NEXMIF: variants seen among roughly 807,000 people sequenced by gnomAD.
NEXMIF encodes neurite extension and migration factor, also known as XLMR protein related to neurite extension.
A neutral mutation model predicts 62.1 loss-of-function variants in NEXMIF; 8 were observed. The observed-to-expected ratio is 0.13, with a 90% confidence interval of 0.08 to 0.23. The LOEUF (loss-of-function observed/expected upper bound fraction) is 0.23. NEXMIF is among the 10% of genes least tolerant of loss of function. The pLI, the probability that NEXMIF is intolerant of heterozygous loss-of-function variation, is 1.00. For missense variants in NEXMIF, 976 were observed against 1,113.3 expected (o/e 0.88, Z 1.75); for synonymous variants, 404 against 416.6 (o/e 0.97, Z 0.37).
intron 1 of NEXMIF, among the ~76,000 whole-genome samples, chrX:74,779,729 G>A (rs149034295): frequency 0.022 from 2,456 of 111,668 alleles, 66 homozygotes; most frequent in African/African-American, 0.077. Flanking sequence ...GACACCTGAT[G>A]CTATTTTGTC....
chrX:74,901,530 C>T (rs1003004491), intron 1 of NEXMIF, among the ~76,000 whole-genome samples: 10 of 112,270 alleles, frequency 8.9e-5, no homozygotes, highest in African/African-American at 2.9e-4. Flanking sequence ...TTCCATTATA[C>T]ATCTTTCAGT....
At chrX:74,813,112 G>T (rs2080365560) in intron 1 of NEXMIF, among the ~76,000 whole-genome samples, 1 of 111,825 alleles carries the variant, frequency 8.9e-6, no homozygotes, top group African/African-American at 3.3e-5. Context: ...AGAGAGGTGA[G>T]AAAACACTTG....
chrX:74,882,417 C>T (rs1055456908), intron 1 of NEXMIF, among the ~76,000 whole-genome samples: 20 of 112,116 alleles, frequency 1.8e-4, no homozygotes, highest in African/African-American at 4.2e-4. Flanking sequence ...GGGTGACAGA[C>T]GGCACCTGGA....
At chrX:74,790,516 G>T (rs1302209306) in intron 1 of NEXMIF, among the ~76,000 whole-genome samples, 1 of 111,089 alleles carries the variant, frequency 9.0e-6, no homozygotes, top group African/African-American at 3.2e-5. Context: ...TGTGAAGAAA[G>T]TCATTGGTAG....
At chrX:74,751,623 C>CCCTT (rs781068385) in intron 1 of NEXMIF, among the ~76,000 whole-genome samples, 9,718 of 87,239 alleles carry the variant, frequency 0.11, 737 homozygotes, top group African/African-American at 0.18. Context: ...TACCATCACG[C>CCCTT]CCTTCCTTCC....
chrX:74,768,115 C>T (rs2080200040), intron 1 of NEXMIF, among the ~76,000 whole-genome samples: 1 of 111,191 alleles, frequency 9.0e-6, no homozygotes, highest in South Asian at 3.9e-4. Flanking sequence ...GACTGCAGGC[C>T]CTGGTGGAGT....
Position 74,741,505 on chromosome X carries a change from C to T in NEXMIF, c.3052G>A (p.Gly1018Ser), listed in dbSNP as rs2147439751. Residue 1018 changes from glycine to serine, a missense_variant, in exon 3 of 4, where the codon GGC (glycine) becomes AGC (serine). Gly to Ser is a moderately conservative substitution (Grantham distance 56). Transcript: ENST00000055682. ...AAGTCATCAGTGATATCATCATCGCCATCCTTTTCACAGGACTTCAAGCTT... is the reference window on the plus strand; with the variant it reads ...AAGTCATCAGTGATATCATCATCGCTATCCTTTTCACAGGACTTCAAGCTT... ...SLSLKSCEKD[G>S]DDDITDDFLA... The T allele has an allele frequency of 3.3e-6, 4 of 1,211,575 alleles. No individual in the cohort carries two copies. The highest frequency in any genetic ancestry group is 4.5e-6 in the Non-Finnish European group (4 of 895,369).
At chrX:74,758,380 A>T (rs766537570) in intron 1 of NEXMIF, among the ~76,000 whole-genome samples, 3 of 111,642 alleles carry the variant, frequency 2.7e-5, no homozygotes, top group Non-Finnish European at 5.6e-5. Context: ...TTAGATAAAA[A>T]GTCTAGAACA....
intron 1 of NEXMIF, among the ~76,000 whole-genome samples, chrX:74,804,868 C>T (rs1173306497): frequency 8.9e-6 from 1 of 111,766 alleles, no homozygotes. Context: ...TATTTAGAGC[C>T]CCAGAGCATT....
intron 1 of NEXMIF, among the ~76,000 whole-genome samples, chrX:74,851,134 C>T (rs1411214330): frequency 2.7e-5 from 3 of 110,080 alleles, no homozygotes; most frequent in Non-Finnish European, 5.7e-5. Context: ...AATTTCAGGA[C>T]TTGACGACAG....
intron 1 of NEXMIF, among the ~76,000 whole-genome samples, chrX:74,786,801 C>G (rs2080261391): frequency 9.1e-6 from 1 of 110,097 alleles, no homozygotes; most frequent in South Asian, 3.8e-4. Context: ...AAGTAGATAA[C>G]TGAAAACAAG....
Position 74,925,377 on chromosome X carries a change from T to C in NEXMIF, c.-542A>G. On this transcript the variant is annotated 5_prime_UTR_variant, in exon 1 of 4. Transcript: ENST00000055682. ...TAAAGCTATTGCTAAATGCTGCTAC[T>C]GCCGCTAATGCTACTGCTGTGGCGG... The C allele has an allele frequency of 5.8e-6, 1 of 172,949 alleles. No homozygotes were observed. Among genetic ancestry groups the C allele is most frequent in the Admixed American group, 6.2e-5 (1 of 16,006 alleles). The allele number at this position is 172,949 out of a possible 1,213,427, so 14.3% of individuals were successfully genotyped here.
chrX:74,772,167 A>G (rs1569340596), intron 1 of NEXMIF, among the ~76,000 whole-genome samples: 1 of 112,158 alleles, frequency 8.9e-6, no homozygotes, highest in Non-Finnish European at 1.9e-5. Context: ...TACAGCCTAT[A>G]TAGTGTCTGC....
chrX:74,815,850 G>T (rs1293655205), intron 1 of NEXMIF, among the ~76,000 whole-genome samples: 1 of 109,784 alleles, frequency 9.1e-6, no homozygotes, highest in Non-Finnish European at 1.9e-5. Flanking sequence ...TAGCCAGGAT[G>T]GTCTTGATCT....
chrX:74,890,848 G>A (rs1352050602), intron 1 of NEXMIF, among the ~76,000 whole-genome samples: 1 of 111,138 alleles, frequency 9.0e-6, no homozygotes, highest in African/African-American at 3.3e-5. Context: ...CACACGGGAG[G>A]AGATCAAGCA....
intron 1 of NEXMIF, among the ~76,000 whole-genome samples, chrX:74,802,204 C>T (rs1293595837): frequency 2.7e-5 from 3 of 111,267 alleles, no homozygotes; most frequent in African/African-American, 9.8e-5. Context: ...GTCCCAGGTA[C>T]TCTGAACATA....
At chrX:74,788,169 A>G (rs188901059) in intron 1 of NEXMIF, among the ~76,000 whole-genome samples, 29 of 112,091 alleles carry the variant, frequency 2.6e-4, no homozygotes, top group African/African-American at 9.1e-4. Flanking sequence ...TACACCAAAA[A>G]TTAAACAAGT....
At chrX:74,903,690 G>A (rs1217893465) in intron 1 of NEXMIF, among the ~76,000 whole-genome samples, 2 of 111,601 alleles carry the variant, frequency 1.8e-5, no homozygotes, top group African/African-American at 6.5e-5. Context: ...TCTCAGCATC[G>A]TTACTTTTTT....
At chrX:74,763,512 T>C (rs2080184351) in intron 1 of NEXMIF, among the ~76,000 whole-genome samples, 1 of 111,974 alleles carries the variant, frequency 8.9e-6, no homozygotes, top group African/African-American at 3.2e-5. Flanking sequence ...AGAAAGTCAT[T>C]GGTAGCTTGA....
Sources: allele counts gnomAD v4.1 joint callset (sites outside exome capture counted in the v4.1 genomes callset), GRCh38; gene constraint gnomAD v4.1.1; transcripts MANE v1.5; gene names NCBI Gene and HGNC (gene_info 2026-07-23, HGNC 2026-07-21).